The following MYBL1 variants were observed in gnomAD, a reference collection of about 807,000 sequenced individuals.
MYBL1 encodes myb-related protein A.
A neutral mutation model predicts 96.3 loss-of-function variants in MYBL1; 17 were observed. That is an observed-to-expected ratio of 0.18 (90% CI 0.12 to 0.26). The LOEUF (loss-of-function observed/expected upper bound fraction) is 0.26, where lower values mean the gene tolerates loss of function less well. Among genes scored for constraint, MYBL1 ranks in the 10% least tolerant of loss-of-function variants. MYBL1 has a pLI of 1.00. For synonymous variants in MYBL1, 282 were observed against 292.7 expected (o/e 0.96, Z 0.37); for missense variants, 701 against 882.9 (o/e 0.79, Z 2.61).
chr8:66,596,561 C>CTTAA (rs920785898), intron 5 of MYBL1, among the ~76,000 whole-genome samples: 1 of 152,072 alleles, frequency 6.6e-6, no homozygotes, highest in African/African-American at 2.4e-5. Flanking sequence ...AACACTATGC[C>CTTAA]TTAATATCTT....
At chr8:66,569,326 C>T (rs568674426) in intron 12 of MYBL1, among the ~76,000 whole-genome samples, 52 of 150,880 alleles carry the variant, frequency 3.4e-4, no homozygotes, top group Admixed American at 1.1e-3. Context: ...ATGGTGCATA[C>T]GTACCGCATT....
chr8:66,566,129 T>C lies in MYBL1; in HGVS notation c.2065A>G (p.Thr689Ala). ...QDINSTNKTY[T>A]LTKKKPNPNT... Reference sequence around the variant, plus strand: ...GGGTTTGGTTTCTTTTTAGTAAGTGTATATGTTTTGTTGGTTGAATTTATA... The same window carrying C: ...GGGTTTGGTTTCTTTTTAGTAAGTGCATATGTTTTGTTGGTTGAATTTATA... Residue 689 changes from threonine (T) to alanine (A), a missense_variant, in exon 15 of 16, where the codon ACA becomes GCA. Physicochemically the swap from Thr to Ala is moderately conservative, Grantham distance 58. Coordinates refer to ENST00000522677, the MANE Select transcript of MYBL1 (RefSeq NM_001080416.4). The C allele has an allele frequency of 6.5e-7, 1 of 1,545,980 alleles. No homozygotes were observed. Among genetic ancestry groups the C allele is most frequent in the Non-Finnish European group, 8.8e-7 (1 of 1,141,322 alleles).
Position 66,562,821 on chromosome 8 carries a change from T to C in MYBL1, c.*1876A>G, listed in dbSNP as rs2129654314. The C allele has an allele frequency of 6.6e-6, 1 of 151,920 alleles. No homozygotes were observed. Among genetic ancestry groups the C allele is most frequent in the East Asian group, 1.9e-4 (1 of 5,160 alleles). 9.4% of individuals were successfully genotyped at this position (151,920 alleles called of 1,614,324 possible). ...ATTAATTAGAAAGCAATCAACATAC[T>C]TAAACATGCTAAGAGGATTCAAATT... is the stretch of plus-strand genomic sequence containing the variant. On this transcript the variant is annotated 3_prime_UTR_variant, in exon 16 of 16. Coordinates refer to ENST00000522677, the MANE Select transcript of MYBL1 (RefSeq NM_001080416.4).
intron 14 of MYBL1, among the ~76,000 whole-genome samples, 162 bp downstream of exon 14, chr8:66,566,522 T>C (rs1808509674): frequency 6.6e-6 from 1 of 152,042 alleles, no homozygotes; most frequent in Admixed American, 6.5e-5. Flanking sequence ...AATAAAATAT[T>C]CTCTACAGTG....
At chr8:66,612,728 G>A in intron 1 of MYBL1, 91 bp downstream of exon 1, 1 of 1,291,668 alleles carries the variant, frequency 7.7e-7, no homozygotes, top group Non-Finnish European at 1.0e-6. Context: ...TCGCCAGGGA[G>A]GGCCTTATGG....
chr8:66,565,717 T>G (rs1808477529), intron 15 of MYBL1, among the ~76,000 whole-genome samples: 1 of 152,102 alleles, frequency 6.6e-6, no homozygotes, highest in African/African-American at 2.4e-5. Flanking sequence ...TGAAACTGCT[T>G]CCAACCACTT....
intron 14 of MYBL1, among the ~76,000 whole-genome samples, 181 bp downstream of exon 14, chr8:66,566,503 A>G (rs1424495983): frequency 1.3e-5 from 2 of 152,116 alleles, no homozygotes; most frequent in African/African-American, 4.8e-5. Flanking sequence ...AGAAATATAA[A>G]AAAAAGTAAA....
intron 8 of MYBL1, among the ~76,000 whole-genome samples, chr8:66,582,718 CAA>C (rs1347460099): frequency 1.8e-4 from 10 of 55,420 alleles, no homozygotes; most frequent in Admixed American, 4.1e-4. Context: ...AACCCTGCCT[CAA>C]AAAAAAAAAA....
Position 66,576,117 on chromosome 8 carries a change from G to A in MYBL1, c.1360C>T (p.Arg454Ter). The change falls in exon 10 of 16, where the codon CGA becomes TGA. Residue 454 changes from arginine (R) to a stop codon, truncating the protein, a stop_gained. Coordinates refer to ENST00000522677, the MANE Select transcript of MYBL1 (RefSeq NM_001080416.4). LOFTEE classifies it high-confidence loss of function. ...PAILRKKRKM[R>*]VGHSPGSELR... ...TCGCTGCCTGGGGAATGACCCACTCGCATTTTTCTCTTCTTTCTGAGGATG... is the reference window on the plus strand; with the variant it reads ...TCGCTGCCTGGGGAATGACCCACTCACATTTTTCTCTTCTTTCTGAGGATG... The A allele has an allele frequency of 6.2e-7, 1 of 1,613,920 alleles. No individual in the cohort carries two copies. The highest frequency in any genetic ancestry group is 8.5e-7 in the Non-Finnish European group (1 of 1,179,874).
chr8:66,580,331 G>C lies in MYBL1; in HGVS notation c.903C>G (p.Phe301Leu), dbSNP rs1809155057. 1.2e-6 allele frequency: 2 copies of C among 1,611,380 alleles called. No homozygotes were observed. Among genetic ancestry groups the C allele is most frequent in the South Asian group, 2.2e-5 (2 of 90,876 alleles). ...PGSFSSWSGSFLMDDNMSNTL... is the reference protein window; with the variant it reads ...PGSFSSWSGSLLMDDNMSNTL... ...TATTAGACATGTTATCATCCATGAG[G>C]AAACTACCAGACCAGCTAGAAAAAC... Residue 301 changes from phenylalanine to leucine, a missense_variant, in exon 9 of 16, where the codon TTC becomes TTG. By Grantham distance (22) the Phe-to-Leu change is conservative. This residue lies in a region of MYBL1 where 396 missense variants were observed against 407.4 expected (regional missense o/e 0.97). Transcript: ENST00000522677.
At chr8:66,599,561 G>C (rs1809984092) in intron 3 of MYBL1, among the ~76,000 whole-genome samples, 1 of 152,172 alleles carries the variant, frequency 6.6e-6, no homozygotes, top group Admixed American at 6.5e-5. Flanking sequence ...AACACTTTCG[G>C]AGGCCGAGGT....
At chr8:66,586,145 G>C (rs1191821066) in intron 8 of MYBL1, among the ~76,000 whole-genome samples, 3 of 147,438 alleles carry the variant, frequency 2.0e-5, no homozygotes, top group Admixed American at 6.9e-5. Context: ...TCCCAGGCTC[G>C]AGCCATCCTC....
intron 9 of MYBL1, among the ~76,000 whole-genome samples, chr8:66,579,087 G>T (rs1402565990): frequency 1.3e-5 from 2 of 151,932 alleles, no homozygotes; most frequent in South Asian, 2.1e-4. Flanking sequence ...TTGTGGGATG[G>T]GGGGAGTGGG....
In MYBL1 at chr8:66,585,687, G is replaced by A. The variant is rs991899327; in HGVS notation, c.868-5321C>T. ...AAAGGCGGAGGTTGCAGTGAACCGAGATCGCGCCACTGCCACTGCACTCCA... is the reference window on the plus strand; with the variant it reads ...AAAGGCGGAGGTTGCAGTGAACCGAAATCGCGCCACTGCCACTGCACTCCA... On this transcript the variant is annotated intron_variant, in intron 8 of 15. Coordinates refer to ENST00000522677, the MANE Select transcript of MYBL1 (RefSeq NM_001080416.4). Among the ~76,000 whole-genome samples, 5 of 152,258 alleles carry A rather than the reference G, an allele frequency of 3.3e-5. No homozygotes were observed. In the East Asian group the frequency reaches 9.7e-4, roughly 29 times the overall value.
chr8:66,570,682 T>G (rs1320671594), intron 12 of MYBL1, among the ~76,000 whole-genome samples: 3 of 152,330 alleles, frequency 2.0e-5, no homozygotes, highest in South Asian at 2.1e-4. Context: ...TTTGCTGAAT[T>G]AATGATGAAT....
chr8:66,582,472 C>T (rs1809251515), intron 8 of MYBL1, among the ~76,000 whole-genome samples: 1 of 135,682 alleles, frequency 7.4e-6, no homozygotes, highest in South Asian at 2.3e-4. Flanking sequence ...AACCACAGCA[C>T]TTTGGGAGGC....
chr8:66,565,446 T>C (rs1260726906), intron 15 of MYBL1: 1 of 152,170 alleles, frequency 6.6e-6, no homozygotes, highest in Non-Finnish European at 1.5e-5. Context: ...GGTGGTCATA[T>C]GTAATTGCCA....
intron 12 of MYBL1, among the ~76,000 whole-genome samples, chr8:66,571,929 C>T (rs1252723652): frequency 6.6e-6 from 1 of 151,216 alleles, no homozygotes; most frequent in Admixed American, 6.6e-5. Flanking sequence ...CTGATGTTTT[C>T]TCTAGATGCT....
chr8:66,582,697 G>C (rs912973569), intron 8 of MYBL1, among the ~76,000 whole-genome samples: 3 of 149,002 alleles, frequency 2.0e-5, no homozygotes, highest in African/African-American at 7.4e-5. Flanking sequence ...CAGCCTGGGG[G>C]GACGGAGTGA....
Sources: allele counts gnomAD v4.1 joint callset (sites outside exome capture counted in the v4.1 genomes callset), GRCh38; gene constraint gnomAD v4.1.1; regional missense constraint gnomAD v4.1.1; transcripts MANE v1.5; gene names NCBI Gene and HGNC (gene_info 2026-07-23, HGNC 2026-07-21).